NRG1: variants seen among roughly 807,000 people sequenced by gnomAD.
NRG1 encodes neuregulin 1.
A neutral mutation model predicts 63.8 loss-of-function variants in NRG1; 18 were observed. The ratio of observed to expected loss-of-function variants is 0.28; its 90% CI spans 0.19 to 0.42. NRG1 has a LOEUF of 0.42. Ranked by LOEUF, NRG1 falls within the 10% of genes least tolerant of loss-of-function variation. NRG1 has a pLI of 1.00. For synonymous variants in NRG1, 302 were observed against 301.3 expected (o/e 1.00, Z -0.02); for missense variants, 762 against 814.7 (o/e 0.94, Z 0.79).
chr8:32,594,322 C>G (rs774445899), intron 1 of NRG1, among the ~76,000 whole-genome samples: 4 of 152,080 alleles, frequency 2.6e-5, no homozygotes, highest in African/African-American at 9.7e-5. Flanking sequence ...GTTTAACATT[C>G]CTGAACTGGA....
chr8:32,394,509 C>T lies in NRG1; in HGVS notation c.38-201319C>T, dbSNP rs138217442. Among the ~76,000 whole-genome samples the T allele has an allele frequency of 3.7e-3, 562 of 152,276 alleles. 3 individuals carry two copies. Among genetic ancestry groups the T allele is most frequent in the Non-Finnish European group, 5.3e-3 (361 of 68,022 alleles). On this transcript the variant is annotated intron_variant, in intron 1 of 10. Coordinates refer to the NRG1 transcript ENST00000519301. ...GATTTTGCCTAATCCTTCACAGCAA[C>T]CTACAAAGTCAATCTGGGGCTGGTG... is the stretch of plus-strand genomic sequence containing the variant.
intron 1 of NRG1, among the ~76,000 whole-genome samples, chr8:31,969,761 CAAT>C (rs1563631490): frequency 6.6e-6 from 1 of 152,086 alleles, no homozygotes; most frequent in South Asian, 2.1e-4. Context: ...CAGAAAAACT[CAAT>C]AAGGAAAATT....
At chr8:32,081,571 A>G (rs955723008) in intron 1 of NRG1, among the ~76,000 whole-genome samples, 3 of 152,166 alleles carry the variant, frequency 2.0e-5, no homozygotes, top group Non-Finnish European at 2.9e-5. Flanking sequence ...AACAGAATTG[A>G]AACTGGCAGA....
intron 3 of NRG1, among the ~76,000 whole-genome samples, chr8:32,608,096 T>TGTTTTG (rs1413199636): frequency 4.2e-5 from 5 of 118,328 alleles, no homozygotes; most frequent in East Asian, 3.0e-4. Context: ...TTTTTTGTTT[T>TGTTTTG]TTTTTTTTTT....
rs553930726 is a variant in NRG1 at position 32,657,996 on chromosome 8, G to T, written c.502+41111G>T. Among the ~76,000 whole-genome samples, 609 of 152,226 alleles carry T rather than the reference G, an allele frequency of 4.0e-3. 4 individuals carry two copies. The highest frequency in any genetic ancestry group is 8.0e-3 in the Admixed American group (123 of 15,288). On this transcript the variant is annotated intron_variant, in intron 5 of 11. Coordinates refer to ENST00000356819, the Ensembl canonical transcript of NRG1. ...TGACATCAAAAACAAACAAAAATAT[G>T]TAAAATAATTACTTCAGTTTTTTTA...
At chr8:31,726,179 G>A (rs1446658758) in intron 1 of NRG1, among the ~76,000 whole-genome samples, 1 of 152,080 alleles carries the variant, frequency 6.6e-6, no homozygotes, top group Non-Finnish European at 1.5e-5. Flanking sequence ...CTGGTACAAA[G>A]TATAGGTGAC....
intron 1 of NRG1, among the ~76,000 whole-genome samples, chr8:31,875,094 G>A (rs1829804547): frequency 6.6e-6 from 1 of 152,144 alleles, no homozygotes. Context: ...TGAGGAAGCT[G>A]CCTTTCCCCT....
chr8:31,844,745 A>T (rs1291661069), intron 1 of NRG1, among the ~76,000 whole-genome samples: 1 of 152,118 alleles, frequency 6.6e-6, no homozygotes, highest in South Asian at 2.1e-4. Context: ...TCATATTTTT[A>T]AAAATGCCTC....
In NRG1 at chr8:31,942,501, C is replaced by T. The variant is rs148763459; in HGVS notation, c.37+303070C>T. Among the ~76,000 whole-genome samples the T allele has an allele frequency of 1.8e-3, 269 of 152,000 alleles. 4 individuals are homozygous for T. In the East Asian group the frequency reaches 0.047, roughly 26 times the overall value. On this transcript the variant is annotated intron_variant, in intron 1 of 10. Transcript: ENST00000519301. Reference sequence around the variant, plus strand: ...GGCAAAGACTTAAATGACCAAGAACCCAAAAGTAAATGCAACAAAAACAAA... The same window carrying T: ...GGCAAAGACTTAAATGACCAAGAACTCAAAAGTAAATGCAACAAAAACAAA...
At chr8:31,871,367 G>A (rs866349252) in intron 1 of NRG1, among the ~76,000 whole-genome samples, 2 of 152,110 alleles carry the variant, frequency 1.3e-5, no homozygotes, top group African/African-American at 2.4e-5. Context: ...CTTGCTTGTT[G>A]CGTTGCCATA....
At chr8:31,903,595 A>G (rs1271975402) in intron 1 of NRG1, among the ~76,000 whole-genome samples, 1 of 152,174 alleles carries the variant, frequency 6.6e-6, no homozygotes, top group Non-Finnish European at 1.5e-5. Context: ...TAGATAGACA[A>G]TAACAAGATA....
chr8:32,566,350 A>C (rs1410619145), intron 1 of NRG1, among the ~76,000 whole-genome samples: 1 of 151,780 alleles, frequency 6.6e-6, no homozygotes, highest in Non-Finnish European at 1.5e-5. Flanking sequence ...CTCAAAAAAA[A>C]AAAAAAAAAG....
intron 1 of NRG1, among the ~76,000 whole-genome samples, chr8:31,865,450 C>T (rs73578516): frequency 3.1e-3 from 467 of 152,230 alleles, no homozygotes; most frequent in African/African-American, 0.011. Context: ...TATGGTTTTG[C>T]TGTGTTCCCA....
At chr8:32,402,751 GA>G in intron 1 of NRG1, among the ~76,000 whole-genome samples, 1 of 152,118 alleles carries the variant, frequency 6.6e-6, no homozygotes, top group East Asian at 1.9e-4. Context: ...TCTTAATAAG[GA>G]AAGAAAAACA....
At position 32,112,835 on chromosome 8, in the gene NRG1, A is replaced by T. The variant is rs570087170; in HGVS notation, c.37+473404A>T. On this transcript the variant is annotated intron_variant, in intron 1 of 10. Coordinates refer to the NRG1 transcript ENST00000519301. ...ACCCATGGACTTTGGCCTCAGACAC[A>T]CCAGGCTGGTTTCAAATTTTCCTTT... Among the ~76,000 whole-genome samples the T allele has an allele frequency of 9.8e-5, 15 of 152,288 alleles. No homozygotes were observed. In the South Asian group the frequency reaches 1.4e-3, roughly 15 times the overall value.
intron 1 of NRG1, among the ~76,000 whole-genome samples, chr8:32,522,757 C>G (rs760038695): frequency 2.0e-5 from 3 of 151,326 alleles, no homozygotes; most frequent in Admixed American, 6.6e-5. Flanking sequence ...CAAGCAAACT[C>G]AGAATCCTTT....
At chr8:31,914,141 A>C (rs1242551133) in intron 1 of NRG1, among the ~76,000 whole-genome samples, 1 of 152,194 alleles carries the variant, frequency 6.6e-6, no homozygotes, top group Non-Finnish European at 1.5e-5. Context: ...TCCTTCTTAG[A>C]AAAGGAGATT....
chr8:32,505,741 G>T (rs1406406362), intron 1 of NRG1, among the ~76,000 whole-genome samples: 1 of 152,312 alleles, frequency 6.6e-6, no homozygotes, highest in African/African-American at 2.4e-5. Flanking sequence ...GTGACACTTG[G>T]GAGGCAATAC....
In NRG1 at chr8:32,025,924, C is replaced by G. The variant is rs1403700692; in HGVS notation, c.37+386493C>G. On this transcript the variant is annotated intron_variant, in intron 1 of 10. Coordinates refer to the NRG1 transcript ENST00000519301. ...TCCCGCCGCTGCATTACGGCCTGGC[C>G]GAGAGAGCGAGACTCCGTCTAAAAA... Among the ~76,000 whole-genome samples the G allele has an allele frequency of 2.9e-5, 4 of 137,450 alleles. No individual in the cohort carries two copies. In the East Asian group the frequency reaches 9.1e-4, roughly 31 times the overall value. 90.2% of individuals were successfully genotyped at this position (137,450 alleles called of 152,430 possible). A position where few individuals can be genotyped will look rare whatever the true frequency, so the allele number is the denominator to read the frequency against.
Sources: allele counts gnomAD v4.1 joint callset (sites outside exome capture counted in the v4.1 genomes callset), GRCh38; gene constraint gnomAD v4.1.1; transcripts MANE v1.5; gene names NCBI Gene and HGNC (gene_info 2026-07-23, HGNC 2026-07-21).